The following DOCK10 variants were observed in gnomAD, a reference collection of about 807,000 sequenced individuals.
The protein encoded by DOCK10 is dedicator of cytokinesis 10.
A neutral mutation model predicts 280.1 loss-of-function variants in DOCK10; 145 were observed. The ratio of observed to expected loss-of-function variants is 0.52; its 90% CI spans 0.45 to 0.59. DOCK10 has a LOEUF of 0.59. DOCK10 is among the 20% of genes least tolerant of loss of function. The pLI, the probability that DOCK10 is intolerant of heterozygous loss-of-function variation, is 0.00. For synonymous variants in DOCK10, 915 were observed against 942.2 expected, an observed-to-expected ratio of 0.97 and a Z score of 0.53; for missense variants, 2,368 against 2,651.7, an observed-to-expected ratio of 0.89 and a Z score of 2.35.
At chr2:224,975,550 T>C (rs1336387196) in intron 1 of DOCK10, among the ~76,000 whole-genome samples, 1 of 152,226 alleles carries the variant, frequency 6.6e-6, no homozygotes, top group Non-Finnish European at 1.5e-5. Context: ...GGGCAAAACA[T>C]GTTAACATTC....
chr2:225,014,471 A>G (rs1689537783), intron 1 of DOCK10, among the ~76,000 whole-genome samples: 1 of 152,126 alleles, frequency 6.6e-6, no homozygotes, highest in Non-Finnish European at 1.5e-5. Context: ...ACTGCTTTGT[A>G]TTGGATGAGA....
intron 1 of DOCK10, among the ~76,000 whole-genome samples, chr2:224,988,693 T>G (rs1057233741): frequency 2.6e-5 from 4 of 152,252 alleles, no homozygotes; most frequent in Non-Finnish European, 5.9e-5. Context: ...TTTTCTTGGA[T>G]GACAGTTTCA....
Position 224,789,078 on chromosome 2 carries a change from T to C in DOCK10, c.5404A>G (p.Thr1802Ala), listed in dbSNP as rs946518212. The C allele has an allele frequency of 6.2e-7, 1 of 1,612,890 alleles. No homozygotes were observed. The highest frequency in any genetic ancestry group is 8.5e-7 in the Non-Finnish European group (1 of 1,179,194). ...AMKEDSGMQD[T>A]PYNENILVEQ... ...TTTGGTCTAACCTCATTGTATGGTG[T>C]ATCTTGCATTCCAGAATCCTCTTTC... Residue 1802 changes from threonine (T) to alanine (A), a missense_variant, in exon 48 of 56, where the codon ACA (threonine) becomes GCA (alanine). Transcript: ENST00000258390.
chr2:224,928,450 C>A (rs1298183710), intron 2 of DOCK10, among the ~76,000 whole-genome samples: 1 of 152,146 alleles, frequency 6.6e-6, no homozygotes. Flanking sequence ...TTTGAAATAT[C>A]ATCTTTTTTT....
At position 224,886,132 on chromosome 2, in the gene DOCK10, A is replaced by G. The variant is rs774318242; in HGVS notation, c.543T>C (p.Gly181=). 6.2e-7 allele frequency: 1 copy of G among 1,613,730 alleles called. No individual in the cohort carries two copies. The highest frequency in any genetic ancestry group is 1.3e-5 in the African/African-American group (1 of 74,862). Residue 181 remains glycine (G), a synonymous_variant, in exon 6 of 56, where the codon GGT becomes GGC. Coordinates refer to ENST00000258390, the MANE Select transcript of DOCK10 (RefSeq NM_014689.3). ...TGTAGAGCCAGCCGGACTTGAAAACACCAGTTCCTCCCGCTCCTCCACCCC... is the reference window on the plus strand; with the variant it reads ...TGTAGAGCCAGCCGGACTTGAAAACGCCAGTTCCTCCCGCTCCTCCACCCC... The part of the protein sequence containing the change: ...SKGGGGAGGT[G]VFKSGWLYKG...
At chr2:225,013,979 TTCTA>T (rs1392749586) in intron 1 of DOCK10, among the ~76,000 whole-genome samples, 2 of 152,132 alleles carry the variant, frequency 1.3e-5, no homozygotes, top group East Asian at 1.9e-4. Context: ...CATATTTTTA[TTCTA>T]TCTCTTTCCT....
intron 3 of DOCK10, among the ~76,000 whole-genome samples, chr2:224,910,967 T>TCC (rs1700974570): frequency 1.0e-5 from 1 of 96,700 alleles, no homozygotes; most frequent in East Asian, 2.8e-4. Context: ...CTTCCTCCTT[T>TCC]CTCTCTCCCT....
At chr2:225,002,093 C>T (rs1198580089) in intron 1 of DOCK10, among the ~76,000 whole-genome samples, 1 of 152,038 alleles carries the variant, frequency 6.6e-6, no homozygotes, top group Non-Finnish European at 1.5e-5. Context: ...TGACCTGGGC[C>T]GTGAAGGATG....
intron 27 of DOCK10, among the ~76,000 whole-genome samples, chr2:224,824,630 C>T (rs1272768222): frequency 6.6e-6 from 1 of 151,698 alleles, no homozygotes; most frequent in Non-Finnish European, 1.5e-5. Context: ...GACAGGGTTT[C>T]GTCATGTTGG....
Position 225,042,134 on chromosome 2 carries a change from A to C in DOCK10, c.123+118T>G. 1.8e-6 allele frequency: 2 copies of C among 1,125,610 alleles called. No homozygotes were observed. Among genetic ancestry groups the C allele is most frequent in the Non-Finnish European group, 2.2e-6 (2 of 898,208 alleles). 69.7% of individuals were successfully genotyped at this position (1,125,610 alleles called of 1,614,324 possible). On this transcript the variant is annotated intron_variant, in intron 1 of 55. Transcript: ENST00000258390. This position sits in a 1 kb window ranked among gnomAD's most constrained non-coding sequence, Gnocchi z 5.1. Reference sequence around the variant, plus strand: ...AGAGGCGGCGGGGGAGGGAGTGCGGAGGAGAGGACCCGTGAGCTGCGGGGA... The same window carrying C: ...AGAGGCGGCGGGGGAGGGAGTGCGGCGGAGAGGACCCGTGAGCTGCGGGGA...
intron 3 of DOCK10, among the ~76,000 whole-genome samples, chr2:224,916,177 C>A (rs964804610): frequency 6.6e-6 from 1 of 152,226 alleles, no homozygotes; most frequent in African/African-American, 2.4e-5. Context: ...GGGCAGATCA[C>A]TTAAGGTCAG....
intron 1 of DOCK10, among the ~76,000 whole-genome samples, chr2:225,038,083 A>G (rs939005406): frequency 1.3e-5 from 2 of 152,216 alleles, no homozygotes; most frequent in East Asian, 3.8e-4. Flanking sequence ...AGAACAACAA[A>G]CAACAAAACA....
At chr2:225,020,582 T>G (rs973152712) in intron 1 of DOCK10, among the ~76,000 whole-genome samples, 2 of 152,254 alleles carry the variant, frequency 1.3e-5, no homozygotes, top group Non-Finnish European at 2.9e-5. Context: ...ATTTCTTCCC[T>G]CTGAATAGAG....
At chr2:224,840,322 T>C (rs555153110) in intron 23 of DOCK10, 78 of 296,644 alleles carry the variant, frequency 2.6e-4, no homozygotes, top group African/African-American at 1.3e-3. Context: ...GAGACAACTT[T>C]ACTCCATTGA....
intron 7 of DOCK10, among the ~76,000 whole-genome samples, chr2:224,879,116 T>C (rs1342994365): frequency 1.3e-5 from 2 of 152,086 alleles, no homozygotes; most frequent in Non-Finnish European, 2.9e-5. Flanking sequence ...AAGGTCAGAG[T>C]TGCATTTTGA....
In DOCK10 at chr2:224,891,480, C is replaced by A. The variant is rs192814701; in HGVS notation, c.416+4815G>T. On this transcript the variant is annotated intron_variant, in intron 4 of 55. Transcript: ENST00000258390. Reference sequence around the variant, plus strand: ...AGAGCTTCAGACAAATGATTGGAAACGTTTTTAGGAATTTCCCAAATGTCA... The same window carrying A: ...AGAGCTTCAGACAAATGATTGGAAAAGTTTTTAGGAATTTCCCAAATGTCA... Among the ~76,000 whole-genome samples, 324 of 152,242 alleles carry A rather than the reference C, an allele frequency of 2.1e-3. 2 individuals are homozygous for A. The highest frequency in any genetic ancestry group is 7.5e-3 in the African/African-American group (310 of 41,540).
intron 11 of DOCK10, among the ~76,000 whole-genome samples, chr2:224,870,041 C>T (rs1001512456): frequency 1.4e-4 from 21 of 152,158 alleles, no homozygotes; most frequent in Non-Finnish European, 3.1e-4. Flanking sequence ...TTGTAGTTCT[C>T]ATAATCCTCA....
At position 224,804,847 on chromosome 2, in the gene DOCK10, A is replaced by C. The variant is rs1177085695; in HGVS notation, c.4119-6T>G. The C allele has an allele frequency of 8.0e-6, 12 of 1,506,500 alleles. No homozygotes were observed. Among genetic ancestry groups the C allele is most frequent in the Non-Finnish European group, 1.1e-5 (12 of 1,127,514 alleles). The allele number at this position is 1,506,500 out of a possible 1,614,324, so 93.3% of individuals were successfully genotyped here. A position where few individuals can be genotyped will look rare whatever the true frequency, so the allele number is the denominator to read the frequency against. On this transcript the variant is annotated splice_polypyrimidine_tract_variant and splice_region_variant and intron_variant, in intron 37 of 55. Coordinates refer to ENST00000258390, the MANE Select transcript of DOCK10 (RefSeq NM_014689.3). ...TGAAATTTTGAAGACAAACGCTAGA[A>C]AGGAGAAAAAAACCACATTTTAATT... is the stretch of plus-strand genomic sequence containing the variant.
rs182337648 is a variant in DOCK10 at position 224,898,873 on chromosome 2, C to T, written c.334-2496G>A. On this transcript the variant is annotated intron_variant, in intron 3 of 55. Coordinates refer to ENST00000258390, the MANE Select transcript of DOCK10 (RefSeq NM_014689.3). ...TACAGGCGTGAGCCACCGCACCGGG[C>T]TGATAATTGAGCCTTAATATGCTCC... is the stretch of plus-strand genomic sequence containing the variant. 3.9e-5 allele frequency among the ~76,000 whole-genome samples: 6 copies of T among 152,346 alleles called. No individual in the cohort carries two copies. In the East Asian group the frequency reaches 9.6e-4, roughly 24 times the overall value.
Sources: gnomAD v4.1 joint callset for allele counts (sites outside exome capture counted in the v4.1 genomes callset) on GRCh38, gnomAD v4.1.1 for gene constraint, Gnocchi (gnomAD v3.1) non-coding constraint, MANE v1.5 for transcripts, NCBI Gene and HGNC (gene_info 2026-07-23, HGNC 2026-07-21) for gene names.